The following POU2F2 variants were observed in gnomAD, a reference collection of about 807,000 sequenced individuals.
The protein encoded by POU2F2 is POU class 2 homeobox 2, also known as POU domain, class 2, transcription factor 2.
In POU2F2, 14 loss-of-function variants were observed where a neutral mutation model predicts 63.5. That is an observed-to-expected ratio of 0.22 (90% CI 0.15 to 0.34). POU2F2 has a LOEUF of 0.34. Ranked by LOEUF, POU2F2 falls within the 10% of genes least tolerant of loss-of-function variation. POU2F2 has a pLI of 1.00. For missense variants in POU2F2, 607 were observed against 815.2 expected (o/e 0.74, Z 3.11); for synonymous variants, 306 against 348.6 (o/e 0.88, Z 1.36).
chr19:42,114,656 G>T (rs1325268896), intron 5 of POU2F2, among the ~76,000 whole-genome samples: 1 of 152,180 alleles, frequency 6.6e-6, no homozygotes, highest in Non-Finnish European at 1.5e-5. Flanking sequence ...CATGTGGTTA[G>T]AGCCCTGGAC....
Position 42,104,932 on chromosome 19 carries a change from C to T in POU2F2, c.370-5111G>A, listed in dbSNP as rs370221328. On this transcript the variant is annotated intron_variant, in intron 5 of 14. Transcript: ENST00000692977. ...GGACTGGGTACTCCTGTGCTCCTGA[C>T]CTCTCTAACTCTTGCTGCTAATCAT... is the stretch of plus-strand genomic sequence containing the variant. Among the ~76,000 whole-genome samples the T allele has an allele frequency of 7.2e-5, 11 of 152,216 alleles. No homozygotes were observed. The South Asian group carries it at 2.1e-3, about 29-fold the overall frequency.
chr19:42,149,350 G>A (rs1485145858), intron 2 of POU2F2, among the ~76,000 whole-genome samples: 1 of 152,168 alleles, frequency 6.6e-6, no homozygotes, highest in Non-Finnish European at 1.5e-5. Context: ...TTTTCTGCGT[G>A]TTCTGCTGAT....
chr19:42,173,573 A>C (rs1308708290), intron 1 of POU2F2, among the ~76,000 whole-genome samples: 6 of 152,044 alleles, frequency 3.9e-5, no homozygotes, highest in Non-Finnish European at 7.4e-5. Context: ...AAAAAAAAAA[A>C]AACACCTGGC....
intron 1 of POU2F2, among the ~76,000 whole-genome samples, chr19:42,186,164 CA>C (rs942987817): frequency 4.1e-4 from 59 of 144,472 alleles, no homozygotes; most frequent in Non-Finnish European, 3.7e-4. Flanking sequence ...ACTGAAAATA[CA>C]AAAAAAAAAA....
chr19:42,187,731 C>T (rs1003839726), intron 1 of POU2F2, among the ~76,000 whole-genome samples: 3 of 140,820 alleles, frequency 2.1e-5, no homozygotes, highest in African/African-American at 8.0e-5. Context: ...CACTGCATTC[C>T]GGTCTGACCG....
rs575863139 is a variant in POU2F2 at position 42,097,275 on chromosome 19, A to G, written c.568-1032T>C. 2.1e-5 allele frequency among the ~76,000 whole-genome samples: 3 copies of G among 142,822 alleles called. No individual in the cohort carries two copies. In the South Asian group the frequency reaches 6.5e-4, roughly 31 times the overall value. The allele number at this position is 142,822 out of a possible 152,430, so 93.7% of individuals were successfully genotyped here. A position where few individuals can be genotyped will look rare whatever the true frequency, so the allele number is the denominator to read the frequency against. Reference sequence around the variant, plus strand: ...TGCAATGGTGCGATCTTGGCTCACCATAACCTCTGCCTCCTGGGTTCAAGT... The same window carrying G: ...TGCAATGGTGCGATCTTGGCTCACCGTAACCTCTGCCTCCTGGGTTCAAGT... On this transcript the variant is annotated intron_variant, in intron 7 of 14. Transcript: ENST00000692977.
At chr19:42,192,789 C>A (rs145005209) in intron 1 of POU2F2, among the ~76,000 whole-genome samples, 205 of 152,210 alleles carry the variant, frequency 1.3e-3, no homozygotes, top group African/African-American at 4.6e-3. Flanking sequence ...TCCATCAGAT[C>A]AGCAAAATTA....
At chr19:42,148,991 T>C (rs769350769) in intron 2 of POU2F2, among the ~76,000 whole-genome samples, 5 of 150,322 alleles carry the variant, frequency 3.3e-5, no homozygotes, top group Non-Finnish European at 5.9e-5. Flanking sequence ...CCTGCCCACG[T>C]CTGCAGCTTC....
In POU2F2 at chr19:42,169,567, T is replaced by C. The variant is rs370544842; in HGVS notation, c.-70+6396A>G. On this transcript the variant is annotated intron_variant, in intron 1 of 6. Transcript: ENST00000524801. This position sits in a 1 kb window ranked among gnomAD's most constrained non-coding sequence, Gnocchi z 4.3. The stretch of plus-strand genomic sequence containing the variant: ...CTTAGGGAATCTCTGACCAAAAGTA[T>C]GGGTATCTGGCTCCCAGGACCCAAG... Among the ~76,000 whole-genome samples, 15 of 152,320 alleles carry C rather than the reference T, an allele frequency of 9.8e-5. No individual in the cohort carries two copies. In the East Asian group the frequency reaches 2.7e-3, roughly 27 times the overall value.
upstream of POU2F2, among the ~76,000 whole-genome samples, chr19:42,135,449 G>A (rs1431486174): frequency 1.3e-5 from 2 of 151,172 alleles, no homozygotes; most frequent in African/African-American, 4.9e-5. Flanking sequence ...CAGGATGATA[G>A]GGGTGGCAGG....
intron 1 of POU2F2, among the ~76,000 whole-genome samples, chr19:42,163,032 G>A (rs1463773651): frequency 6.6e-6 from 1 of 152,100 alleles, no homozygotes; most frequent in Non-Finnish European, 1.5e-5. Flanking sequence ...GGCTCAGACA[G>A]GTAAAGTCAC....
chr19:42,189,114 T>G (rs1332807937), intron 1 of POU2F2, among the ~76,000 whole-genome samples: 1 of 152,184 alleles, frequency 6.6e-6, no homozygotes, highest in African/African-American at 2.4e-5. Context: ...TTCAGTGAGT[T>G]GTGACTCAAA....
chr19:42,113,338 A>G (rs1019798147), intron 5 of POU2F2, among the ~76,000 whole-genome samples: 7 of 152,164 alleles, frequency 4.6e-5, no homozygotes, highest in Non-Finnish European at 8.8e-5. Flanking sequence ...TCCCTCATTG[A>G]TTCGGTAAAT....
chr19:42,180,611 G>A (rs761526862), upstream of POU2F2, among the ~76,000 whole-genome samples: 14 of 152,110 alleles, frequency 9.2e-5, no homozygotes, highest in Middle Eastern at 3.2e-3. Flanking sequence ...GCACCTACAA[G>A]GACCAGTACA....
At position 42,117,348 on chromosome 19, in the gene POU2F2, T is replaced by C; in HGVS notation, c.271A>G (p.Ser91Gly). 6.5e-7 allele frequency: 1 copy of C among 1,531,416 alleles called. No individual in the cohort carries two copies. Among genetic ancestry groups the C allele is most frequent in the Non-Finnish European group, 8.7e-7 (1 of 1,151,400 alleles). The allele number at this position is 1,531,416 out of a possible 1,614,324, so 94.9% of individuals were successfully genotyped here. A position where few individuals can be genotyped will look rare whatever the true frequency, so the allele number is the denominator to read the frequency against. The stretch of plus-strand genomic sequence containing the variant: ...GGTGCTGCTGGGGCTGAATCGCCAC[T>C]GGGGTCTTCAGCCTTGATCTGGGGG... ...SPPQIKAEDP[S>G]GDSAPAAPLP... The change falls in exon 5 of 15, where the codon AGT (serine) becomes GGT (glycine). Residue 91 changes from serine (S) to glycine (G), a missense_variant. By Grantham distance (56) the Ser-to-Gly change is moderately conservative. This residue lies in a region of POU2F2 where 224 missense variants were observed against 264.3 expected (regional missense o/e 0.85). Coordinates refer to ENST00000692977, the MANE Select transcript of POU2F2 (RefSeq NM_001394376.1). The surrounding 1 kb of genome is among the most constrained non-coding windows in gnomAD (Gnocchi z 4.4).
chr19:42,130,556 C>A (rs1568401951), intron 1 of POU2F2, among the ~76,000 whole-genome samples: 1 of 152,078 alleles, frequency 6.6e-6, no homozygotes, highest in South Asian at 2.1e-4. Context: ...CTGAGGTCCC[C>A]ATTTAACCCC....
At chr19:42,143,719 A>C (rs960323906) in intron 2 of POU2F2, among the ~76,000 whole-genome samples, 6 of 151,556 alleles carry the variant, frequency 4.0e-5, no homozygotes, top group African/African-American at 1.5e-4. Context: ...CCTGCAATCC[A>C]CGCCCGCGCT....
rs569026177 is a variant in POU2F2, at chr19:42,155,328, G to A, written c.-9+5004C>T. Among the ~76,000 whole-genome samples the A allele has an allele frequency of 6.6e-6, 1 of 152,120 alleles. No individual in the cohort carries two copies. The highest frequency in any genetic ancestry group is 1.5e-5 in the Non-Finnish European group (1 of 68,002). On this transcript the variant is annotated intron_variant, in intron 2 of 6. Transcript: ENST00000524801. The surrounding 1 kb of genome is among the most constrained non-coding windows in gnomAD (Gnocchi z 4.2). ...TTTCTGCTGTTTCCTCTTCCTCTTT[G>A]CTCCTCTCCGTTGCTCTGTTCCCCT...
At position 42,169,075 on chromosome 19, in the gene POU2F2, C is replaced by T. The variant is rs1406773634; in HGVS notation, c.-70+6888G>A. Among the ~76,000 whole-genome samples the T allele has an allele frequency of 6.6e-6, 1 of 152,086 alleles. No homozygotes were observed. The highest frequency in any genetic ancestry group is 1.5e-5 in the Non-Finnish European group (1 of 68,020). On this transcript the variant is annotated intron_variant, in intron 1 of 6. Transcript: ENST00000524801. The surrounding 1 kb of genome is among the most constrained non-coding windows in gnomAD (Gnocchi z 4.3). ...GCCTGACTCCTATAGAGGCTCAGTA[C>T]CTATGTGATGAGTTAATTAATTCTA...
Sources: allele counts gnomAD v4.1 joint callset (sites outside exome capture counted in the v4.1 genomes callset), GRCh38; gene constraint gnomAD v4.1.1; regional missense constraint gnomAD v4.1.1; non-coding constraint Gnocchi (gnomAD v3.1); transcripts MANE v1.5; gene names NCBI Gene and HGNC (gene_info 2026-07-23, HGNC 2026-07-21).